The following SLIT1 variants were observed in gnomAD, a reference collection of about 807,000 sequenced individuals.
SLIT1 encodes slit guidance ligand 1.
A neutral mutation model predicts 186.1 loss-of-function variants in SLIT1; 66 were observed. The observed-to-expected ratio is 0.35, with a 90% CI of 0.29 to 0.44. The LOEUF is 0.44. Among genes scored for constraint, SLIT1 ranks in the 20% least tolerant of loss-of-function variants. The probability of loss-of-function intolerance (pLI) is 1.00; values close to 1 mark genes in which losing one functional copy is unlikely to be tolerated. For missense variants in SLIT1, 1,638 were observed against 2,037.4 expected, an observed-to-expected ratio of 0.80 and a Z score of 3.77; for synonymous variants, 761 against 833.8, an observed-to-expected ratio of 0.91 and a Z score of 1.50.
intron 4 of SLIT1, among the ~76,000 whole-genome samples, chr10:97,084,073 C>T (rs1849132623): frequency 6.6e-6 from 1 of 152,232 alleles, no homozygotes; most frequent in Non-Finnish European, 1.5e-5. Flanking sequence ...AGGGCAACTA[C>T]ACCTCCTGGT....
rs373868654 is a variant in SLIT1 at position 97,130,883 on chromosome 10, A to G, written c.413+26935T>C. On this transcript the variant is annotated intron_variant, in intron 4 of 36. Transcript: ENST00000266058. Reference sequence around the variant, plus strand: ...GTCCATGGTCTGAATGTCTGCGAACATGTCTGTCCTCCTTTCTTCTTCCCT... The same window carrying G: ...GTCCATGGTCTGAATGTCTGCGAACGTGTCTGTCCTCCTTTCTTCTTCCCT... Among the ~76,000 whole-genome samples the G allele has an allele frequency of 9.8e-5, 15 of 152,288 alleles. No homozygotes were observed. In the East Asian group the frequency reaches 2.9e-3, roughly 29 times the overall value.
At chr10:97,130,994 C>T (rs2134694880) in intron 4 of SLIT1, among the ~76,000 whole-genome samples, 1 of 152,276 alleles carries the variant, frequency 6.6e-6, no homozygotes, top group Non-Finnish European at 1.5e-5. Context: ...GCCACATGGA[C>T]ATTCTCAATC....
At chr10:97,037,238 G>A (rs959566422) in intron 22 of SLIT1, among the ~76,000 whole-genome samples, 4 of 152,042 alleles carry the variant, frequency 2.6e-5, no homozygotes, top group African/African-American at 9.7e-5. Flanking sequence ...GGGATTACAG[G>A]CATGTGCCAC....
At position 97,119,054 on chromosome 10, in the gene SLIT1, A is replaced by T. The variant is rs185093163; in HGVS notation, c.413+38764T>A. Among the ~76,000 whole-genome samples, 34 of 152,348 alleles carry T rather than the reference A, an allele frequency of 2.2e-4. No homozygotes were observed. In the East Asian group the frequency reaches 5.0e-3, roughly 22 times the overall value. On this transcript the variant is annotated intron_variant, in intron 4 of 36. Coordinates refer to ENST00000266058, the MANE Select transcript of SLIT1 (RefSeq NM_003061.3). ...GCAGCCCAGCAGCGATGGGCCATTC[A>T]GGCAGGCACTGCCTGGGGTCTCTTG...
At chr10:97,044,423 C>CA (rs1289916838) in intron 18 of SLIT1, among the ~76,000 whole-genome samples, 1 of 152,206 alleles carries the variant, frequency 6.6e-6, no homozygotes, top group South Asian at 2.1e-4. Flanking sequence ...ACAATAACAA[C>CA]AAAAACCCAG....
chr10:97,063,787 C>T (rs2134639551), intron 7 of SLIT1, among the ~76,000 whole-genome samples, 169 bp from the exon 8 acceptor site: 1 of 152,262 alleles, frequency 6.6e-6, no homozygotes, highest in East Asian at 1.9e-4. Context: ...TTATCCACAG[C>T]CCCGTGAAGA....
intron 14 of SLIT1, among the ~76,000 whole-genome samples, 183 bp from the exon 15 acceptor site, chr10:97,048,179 C>G (rs557287780): frequency 6.6e-6 from 1 of 152,234 alleles, no homozygotes; most frequent in Non-Finnish European, 1.5e-5. Context: ...CAGGCTGACA[C>G]TGGGGGTGTC....
At chr10:97,086,492 C>T (rs535317332) in intron 4 of SLIT1, among the ~76,000 whole-genome samples, 9 of 152,004 alleles carry the variant, frequency 5.9e-5, no homozygotes, top group African/African-American at 1.4e-4. Flanking sequence ...GCAAGAGAAT[C>T]GCTTGAATCC....
At chr10:97,143,322 G>C (rs995215910) in intron 4 of SLIT1, among the ~76,000 whole-genome samples, 2 of 152,182 alleles carry the variant, frequency 1.3e-5, no homozygotes, top group African/African-American at 4.8e-5. Flanking sequence ...AAGTCCTGGC[G>C]CATGCTATAG....
chr10:97,049,232 A>G, intron 13 of SLIT1, 114 bp from the exon 14 acceptor site: 2 of 1,287,608 alleles, frequency 1.6e-6, no homozygotes, highest in Non-Finnish European at 2.1e-6. Flanking sequence ...TGTGGCCTGG[A>G]GCCTAGGGTC....
Position 97,004,881 on chromosome 10 carries a change from A to G in SLIT1, c.3580-58T>C, listed in dbSNP as rs1167885577. The G allele has an allele frequency of 1.2e-6, 2 of 1,606,870 alleles. No homozygotes were observed. The highest frequency in any genetic ancestry group is 2.7e-5 in the African/African-American group (2 of 74,794). ...ACCCCATGCAGCAGCGGCACAGGCT[A>G]GCAGATGGGGCAGAGAGGGCACCCA... On this transcript the variant is annotated intron_variant, in intron 32 of 36. Transcript: ENST00000266058. The surrounding 1 kb of genome is among the most constrained non-coding windows in gnomAD (Gnocchi z 5.1).
At chr10:97,095,524 A>C (rs900163741) in intron 4 of SLIT1, among the ~76,000 whole-genome samples, 17 of 152,204 alleles carry the variant, frequency 1.1e-4, no homozygotes, top group Non-Finnish European at 2.2e-4. Flanking sequence ...GCATGTCCCA[A>C]ATGAAAAAAG....
chr10:97,064,976 A>G (rs1212764246), intron 5 of SLIT1, 100 bp from the exon 6 acceptor site: 2 of 823,004 alleles, frequency 2.4e-6, no homozygotes, highest in African/African-American at 1.7e-5. Flanking sequence ...AAAGAGGTGC[A>G]CCCCTAGCCG....
intron 4 of SLIT1, among the ~76,000 whole-genome samples, chr10:97,080,683 T>C (rs912956263): frequency 5.3e-5 from 8 of 152,202 alleles, no homozygotes; most frequent in African/African-American, 1.9e-4. Context: ...GAACAGTTCT[T>C]AAACTGCTGT....
chr10:97,125,533 C>CA lies in SLIT1; in HGVS notation c.413+32284dup, dbSNP rs34143370. On this transcript the variant is annotated intron_variant, in intron 4 of 36. Transcript: ENST00000266058. ...TGGGTGACAAAGCGAGACCCTGTGTCAAAAAAAAAAAAAAAAAAAAGTAGG... is the reference window on the plus strand; with the variant it reads ...TGGGTGACAAAGCGAGACCCTGTGTCAAAAAAAAAAAAAAAAAAAAAGTAGG... Among the ~76,000 whole-genome samples, 771 of 115,504 alleles carry CA rather than the reference C, an allele frequency of 6.7e-3. 6 individuals are homozygous for CA. The highest frequency in any genetic ancestry group is 0.015 in the African/African-American group (441 of 28,678). 75.8% of individuals were successfully genotyped at this position (115,504 alleles called of 152,430 possible).
intron 4 of SLIT1, among the ~76,000 whole-genome samples, chr10:97,098,225 C>A (rs143469048): frequency 6.6e-6 from 1 of 152,304 alleles, no homozygotes; most frequent in Non-Finnish European, 1.5e-5. Context: ...CCGGGATGAC[C>A]CGGGGGGCTA....
chr10:97,140,067 T>C (rs1225863193), intron 4 of SLIT1, among the ~76,000 whole-genome samples: 1 of 152,144 alleles, frequency 6.6e-6, no homozygotes, highest in Admixed American at 6.5e-5. Context: ...AGCATGGCTT[T>C]TCCTCTTCCC....
rs1358409038 is a variant in SLIT1 at position 97,059,710 on chromosome 10, A to G, written c.1014-179T>C. Reference sequence around the variant, plus strand: ...GCCCATGGCCGCTATTTCCCTGTGCAGTCTGAGGGCTGGGCAGGAGGGGGC... The same window carrying G: ...GCCCATGGCCGCTATTTCCCTGTGCGGTCTGAGGGCTGGGCAGGAGGGGGC... On this transcript the variant is annotated intron_variant, in intron 10 of 36. Coordinates refer to ENST00000266058, the MANE Select transcript of SLIT1 (RefSeq NM_003061.3). 6.2e-6 allele frequency: 4 copies of G among 647,928 alleles called. No homozygotes were observed. The South Asian group carries it at 7.0e-5, about 11-fold the overall frequency. 40.1% of individuals were successfully genotyped at this position (647,928 alleles called of 1,614,324 possible).
chr10:97,092,338 G>A (rs117640805), intron 4 of SLIT1, among the ~76,000 whole-genome samples: 2,802 of 152,364 alleles, frequency 0.018, 34 homozygotes, highest in South Asian at 0.05. Flanking sequence ...AATTAACTGG[G>A]AAGAGACATG....
Sources: gnomAD v4.1 joint callset for allele counts (sites outside exome capture counted in the v4.1 genomes callset) on GRCh38, gnomAD v4.1.1 for gene constraint, Gnocchi (gnomAD v3.1) non-coding constraint, MANE v1.5 for transcripts, NCBI Gene and HGNC (gene_info 2026-07-23, HGNC 2026-07-21) for gene names.